The following MED12L variants were observed in gnomAD, a reference collection of about 807,000 sequenced individuals.
The protein encoded by MED12L is mediator of RNA polymerase II transcription subunit 12-like protein.
Under a neutral mutation model 281.3 loss-of-function variants are expected in MED12L, and 60 were observed. The ratio of observed to expected loss-of-function variants is 0.21; its 90% CI spans 0.17 to 0.26. MED12L has a LOEUF of 0.26. Ranked by LOEUF, MED12L falls within the 10% of genes least tolerant of loss-of-function variation. The pLI is 1.00. For synonymous variants in MED12L, 974 were observed against 987.2 expected (o/e 0.99, Z 0.25); for missense variants, 2,146 against 2,680.9 (o/e 0.80, Z 4.41).
intron 39 of MED12L, among the ~76,000 whole-genome samples, chr3:151,403,908 A>G (rs1170747862): frequency 6.6e-6 from 1 of 152,198 alleles, no homozygotes; most frequent in Non-Finnish European, 1.5e-5. Context: ...TTCTGAAAAG[A>G]CTCAGTTTTT....
intron 43 of MED12L, among the ~76,000 whole-genome samples, chr3:151,418,911 C>T (rs148435709): frequency 6.6e-5 from 10 of 152,048 alleles, no homozygotes; most frequent in South Asian, 4.1e-4. Flanking sequence ...TGTACAGATA[C>T]GTGAGATTTC....
At chr3:151,276,660 A>T (rs186070512) in intron 16 of MED12L, among the ~76,000 whole-genome samples, 32 of 152,290 alleles carry the variant, frequency 2.1e-4, no homozygotes, top group African/African-American at 7.5e-4. Context: ...ACTCAGAAGC[A>T]CTTTATAGAG....
chr3:151,344,106 G>A (rs541504233), intron 16 of MED12L, among the ~76,000 whole-genome samples: 2 of 152,042 alleles, frequency 1.3e-5, no homozygotes, highest in South Asian at 2.1e-4. Flanking sequence ...AATGAATGCC[G>A]TCTTTTGTGA....
At chr3:151,321,974 A>G (rs1423934410) in intron 16 of MED12L, among the ~76,000 whole-genome samples, 1 of 152,092 alleles carries the variant, frequency 6.6e-6, no homozygotes, top group Non-Finnish European at 1.5e-5. Flanking sequence ...CCCGGGTTAC[A>G]TGGATATTGA....
At chr3:151,318,391 A>AT (rs1384164467) in intron 16 of MED12L, among the ~76,000 whole-genome samples, 3 of 146,026 alleles carry the variant, frequency 2.1e-5, no homozygotes, top group Non-Finnish European at 3.0e-5. Context: ...AGTTTGTTGT[A>AT]TTTTGAGCAG....
At chr3:151,155,152 GAACCT>G (rs1351788904) in intron 5 of MED12L, among the ~76,000 whole-genome samples, 1 of 152,204 alleles carries the variant, frequency 6.6e-6, no homozygotes, top group East Asian at 1.9e-4. Flanking sequence ...GAAGGTGGGA[GAACCT>G]ATTGCTGAAT....
intron 3 of MED12L, among the ~76,000 whole-genome samples, chr3:151,120,581 C>T (rs1026302118): frequency 6.6e-6 from 1 of 152,062 alleles, no homozygotes; most frequent in Non-Finnish European, 1.5e-5. Context: ...AAGGAAGGGT[C>T]TCATTTACTA....
At chr3:151,405,499 C>T (rs919317294) in intron 39 of MED12L, among the ~76,000 whole-genome samples, 3 of 152,176 alleles carry the variant, frequency 2.0e-5, no homozygotes, top group Admixed American at 2.0e-4. Context: ...AGGCTGGATG[C>T]AGTGGCTCAT....
intron 16 of MED12L, among the ~76,000 whole-genome samples, chr3:151,203,826 A>G (rs915616209): frequency 2.0e-5 from 3 of 152,176 alleles, no homozygotes; most frequent in African/African-American, 7.2e-5. Flanking sequence ...GATGTTATTC[A>G]TACTATTTTA....
intron 16 of MED12L, among the ~76,000 whole-genome samples, chr3:151,347,354 A>C (rs1752665583): frequency 6.6e-6 from 1 of 152,202 alleles, no homozygotes; most frequent in African/African-American, 2.4e-5. Context: ...TTGCCTATTA[A>C]GGAGATTATA....
At chr3:151,345,252 G>A (rs1057237286) in intron 16 of MED12L, among the ~76,000 whole-genome samples, 2 of 152,172 alleles carry the variant, frequency 1.3e-5, no homozygotes, top group Non-Finnish European at 2.9e-5. Context: ...GACGTCTCCT[G>A]TAACAGACTC....
chr3:151,129,125 G>T (rs921183585), intron 5 of MED12L, among the ~76,000 whole-genome samples: 1 of 152,192 alleles, frequency 6.6e-6, no homozygotes, highest in Non-Finnish European at 1.5e-5. Context: ...GTAAGGGAGA[G>T]TCCAATCACA....
At chr3:151,328,171 C>T in intron 16 of MED12L, 1 of 1,612,988 alleles carries the variant, frequency 6.2e-7, no homozygotes, top group Non-Finnish European at 8.5e-7. Flanking sequence ...TAGCAATAAA[C>T]AGTTGATTTT....
intron 16 of MED12L, among the ~76,000 whole-genome samples, chr3:151,246,894 A>T (rs1347774579): frequency 6.6e-6 from 1 of 152,242 alleles, no homozygotes. Flanking sequence ...AATGTCCAGA[A>T]TCTACAATGA....
At chr3:151,111,743 G>A (rs977535981) in intron 2 of MED12L, among the ~76,000 whole-genome samples, 1 of 152,182 alleles carries the variant, frequency 6.6e-6, no homozygotes, top group Non-Finnish European at 1.5e-5. Flanking sequence ...CCCAGAGCCT[G>A]TGAACCTCCT....
At position 151,208,746 on chromosome 3, in the gene MED12L, A is replaced by G. The variant is rs561274511; in HGVS notation, c.2250+15080A>G. Among the ~76,000 whole-genome samples the G allele has an allele frequency of 5.3e-5, 8 of 152,274 alleles. 1 individual carries two copies. The South Asian group carries it at 1.7e-3, about 32-fold the overall frequency. On this transcript the variant is annotated intron_variant, in intron 16 of 44. Coordinates refer to ENST00000687756, the MANE Select transcript of MED12L (RefSeq NM_001393769.1). Reference sequence around the variant, plus strand: ...ATATTGTATGGATATGATGAGGGCCATGTTTTCTTGGTGTTCATTTGTGTC... The same window carrying G: ...ATATTGTATGGATATGATGAGGGCCGTGTTTTCTTGGTGTTCATTTGTGTC...
chr3:151,366,399 C>T (rs546357669), intron 23 of MED12L, among the ~76,000 whole-genome samples: 2 of 152,268 alleles, frequency 1.3e-5, no homozygotes, highest in African/African-American at 4.8e-5. Flanking sequence ...AAGTGCAAGG[C>T]GCAGTATACA....
At chr3:151,303,779 C>CA (rs149498902) in intron 16 of MED12L, among the ~76,000 whole-genome samples, 16,868 of 151,972 alleles carry the variant, frequency 0.11, 1,237 homozygotes, top group Middle Eastern at 0.18. Flanking sequence ...AACAAACAAA[C>CA]AAAAAACCCA....
chr3:151,155,095 C>T (rs1283513193), intron 5 of MED12L, among the ~76,000 whole-genome samples: 2 of 152,150 alleles, frequency 1.3e-5, no homozygotes, highest in East Asian at 1.9e-4. Flanking sequence ...ACAAAGCACT[C>T]AGTGACTAGC....
Sources: gnomAD v4.1 joint callset for allele counts (sites outside exome capture counted in the v4.1 genomes callset) on GRCh38, gnomAD v4.1.1 for gene constraint, MANE v1.5 for transcripts, NCBI Gene and HGNC (gene_info 2026-07-23, HGNC 2026-07-21) for gene names.